Variants in RAD52 observed in about 807,000 individuals in gnomAD.
RAD52 encodes the protein RAD52 DNA repair protein, also known as DNA repair protein RAD52 homolog.
Under a neutral mutation model 55.5 loss-of-function variants are expected in RAD52, and 47 were observed. The ratio of observed to expected loss-of-function variants is 0.85; its 90% CI spans 0.67 to 1.08. RAD52 has a LOEUF of 1.08. Ranked by LOEUF, RAD52 falls within the 50% of genes least tolerant of loss-of-function variation. The pLI, the probability that RAD52 is intolerant of heterozygous loss-of-function variation, is 0.00. For missense variants in RAD52, 468 were observed against 522.8 expected (o/e 0.90, Z 1.02); for synonymous variants, 184 against 198.9 (o/e 0.92, Z 0.63).
At chr12:958,930 C>A (rs559031368) in intron 1 of RAD52, among the ~76,000 whole-genome samples, 1 of 152,286 alleles carries the variant, frequency 6.6e-6, no homozygotes, top group African/African-American at 2.4e-5. Flanking sequence ...TCTTTGAATT[C>A]CCCTGCGATC....
chr12:930,520 A>G (rs1957272469), intron 3 of RAD52, among the ~76,000 whole-genome samples: 1 of 152,188 alleles, frequency 6.6e-6, no homozygotes, highest in South Asian at 2.1e-4. Context: ...AAAAGTACAA[A>G]TCTGTTTGAC....
chr12:983,471 C>T (rs1340885276), intron 1 of RAD52, among the ~76,000 whole-genome samples: 2 of 142,588 alleles, frequency 1.4e-5, no homozygotes, highest in Non-Finnish European at 3.0e-5. Flanking sequence ...GACTGGAGAG[C>T]AATGGCGTGA....
At chr12:925,855 C>G (rs761604366) in intron 6 of RAD52, among the ~76,000 whole-genome samples, 137 of 152,044 alleles carry the variant, frequency 9.0e-4, no homozygotes, top group Non-Finnish European at 1.7e-3. Flanking sequence ...TTTTTCCCCC[C>G]AAAGGCTGCT....
intron 1 of RAD52, among the ~76,000 whole-genome samples, chr12:963,077 G>A (rs1958709880): frequency 6.6e-6 from 1 of 152,122 alleles, no homozygotes; most frequent in South Asian, 2.1e-4. Context: ...GATTTAAGGA[G>A]TGTAAATGAA....
chr12:925,395 G>C, intron 7 of RAD52, 55 bp downstream of exon 7: 2 of 1,433,680 alleles, frequency 1.4e-6, no homozygotes, highest in Non-Finnish European at 2.0e-6. Flanking sequence ...CTCAACCCAT[G>C]ACACACAAGA....
In RAD52 at chr12:927,187, G is replaced by C. The variant is rs2154113097; in HGVS notation, c.425C>G (p.Ala142Gly). 6.2e-7 allele frequency: 1 copy of C among 1,614,086 alleles called. No individual in the cohort carries two copies. The highest frequency in any genetic ancestry group is 8.5e-7 in the Non-Finnish European group (1 of 1,180,014). The change falls in exon 6 of 12, where the codon GCA becomes GGA. Residue 142 changes from alanine to glycine, a missense_variant. Coordinates refer to ENST00000358495, the MANE Select transcript of RAD52 (RefSeq NM_134424.4). Reference protein sequence around the residue: ...LKSKALSLEKARKEAVTDGLK... With the variant: ...LKSKALSLEKGRKEAVTDGLK... Reference sequence around the variant, plus strand: ...CCCGTCTGTCACCGCCTCCTTCCTTGCCTTCTCCAAAGATAAAGCCTTGGA... The same window carrying C: ...CCCGTCTGTCACCGCCTCCTTCCTTCCCTTCTCCAAAGATAAAGCCTTGGA...
chr12:950,458 C>G (rs1263609509), upstream of RAD52, among the ~76,000 whole-genome samples: 1 of 151,758 alleles, frequency 6.6e-6, no homozygotes, highest in Admixed American at 6.6e-5. Flanking sequence ...GTAGTCCCAG[C>G]TACTCGGGAG....
Position 932,985 on chromosome 12 carries a change from C to A in RAD52, c.74G>T (p.Cys25Phe), listed in dbSNP as rs1222591370. The A allele has an allele frequency of 6.2e-7, 1 of 1,613,798 alleles. No individual in the cohort carries two copies. Among genetic ancestry groups the A allele is most frequent in the African/African-American group, 1.3e-5 (1 of 74,926 alleles). The change falls in exon 2 of 12, where the codon TGC becomes TTC. Residue 25 changes from cysteine (C) to phenylalanine (F), a missense_variant. Physicochemically the swap from Cys to Phe is radical, Grantham distance 205. Transcript: ENST00000358495. The stretch of plus-strand genomic sequence containing the variant: ...AGGAACCACAGTTACCTGTCCAAAG[C>A]ATAACACTGAGCCGCCGCCAGCAGC... ...HPAAGGGSVL[C>F]FGQCQYTAEE...
At chr12:951,782 T>C (rs1274553220), upstream of RAD52, among the ~76,000 whole-genome samples, 5 of 152,180 alleles carry the variant, frequency 3.3e-5, no homozygotes, top group South Asian at 2.1e-4. Flanking sequence ...TTGTTTCTTA[T>C]GATTTTAACC....
In RAD52 at chr12:925,515, T is replaced by A; in HGVS notation, c.478A>T (p.Asn160Tyr). The A allele has an allele frequency of 6.2e-7, 1 of 1,613,142 alleles. No individual in the cohort carries two copies. Among genetic ancestry groups the A allele is most frequent in the Non-Finnish European group, 8.5e-7 (1 of 1,179,180 alleles). Residue 160 changes from asparagine to tyrosine, a missense_variant, in exon 7 of 12, where the codon AAT becomes TAT. Transcript: ENST00000358495. ...TCCAGAATACAGTTTCCAAGTGCATTCCCAAAACTCCTAAGGGCAAGAGAA... is the reference window on the plus strand; with the variant it reads ...TCCAGAATACAGTTTCCAAGTGCATACCCAAAACTCCTAAGGGCAAGAGAA... ...GLKRALRSFG[N>Y]ALGNCILDKD...
chr12:919,141 T>C (rs77033343), intron 7 of RAD52, among the ~76,000 whole-genome samples: 186 of 152,282 alleles, frequency 1.2e-3, no homozygotes, highest in African/African-American at 4.3e-3. Flanking sequence ...ATTCTCTATC[T>C]GGGAGGTGAA....
At chr12:916,948 C>G (rs745456047) in intron 7 of RAD52, 128 bp from the exon 8 acceptor site, 10 of 1,285,198 alleles carry the variant, frequency 7.8e-6, no homozygotes, top group Non-Finnish European at 1.1e-5. Context: ...CCTTCTAGGT[C>G]CTGTAACTCC....
upstream of RAD52, among the ~76,000 whole-genome samples, chr12:950,241 TGGA>T (rs2154119845): frequency 6.6e-6 from 1 of 152,128 alleles, no homozygotes; most frequent in East Asian, 1.9e-4. Context: ...CGCAGGGAAA[TGGA>T]GAAGTGCGGC....
At chr12:982,719 G>GC (rs1439739800) in intron 1 of RAD52, among the ~76,000 whole-genome samples, 1 of 146,246 alleles carries the variant, frequency 6.8e-6, no homozygotes, top group Non-Finnish European at 1.5e-5. Flanking sequence ...AGGCTGGAGC[G>GC]CAGTGGTGGG....
intron 7 of RAD52, among the ~76,000 whole-genome samples, chr12:922,749 C>T (rs766016280): frequency 4.6e-5 from 7 of 152,120 alleles, no homozygotes; most frequent in Admixed American, 2.0e-4. Flanking sequence ...GTGGGAGGAT[C>T]GCTTGTAGCC....
intron 7 of RAD52, 63 bp downstream of exon 7, chr12:925,387 C>T (rs1257924773): frequency 2.2e-6 from 3 of 1,380,478 alleles, no homozygotes; most frequent in Non-Finnish European, 1.0e-6. Context: ...TCCAAATACT[C>T]AACCCATGAC....
intron 1 of RAD52, among the ~76,000 whole-genome samples, chr12:946,320 C>T (rs1383653833): frequency 6.6e-6 from 1 of 152,188 alleles, no homozygotes; most frequent in Non-Finnish European, 1.5e-5. Flanking sequence ...CCTTGAAGCA[C>T]TACTGAGACA....
intron 5 of RAD52, among the ~76,000 whole-genome samples, chr12:929,175 A>C (rs1454257113): frequency 6.6e-6 from 1 of 152,146 alleles, no homozygotes; most frequent in East Asian, 1.9e-4. Flanking sequence ...CAAACTTTCA[A>C]CCATAAATAT....
At chr12:949,806 GA>G, upstream of RAD52, 1 of 152,264 alleles carries the variant, frequency 6.6e-6, no homozygotes, top group Non-Finnish European at 1.5e-5. Flanking sequence ...AGTCGGAGGG[GA>G]AAAGAGCCGC....
Sources: gnomAD v4.1 joint callset for allele counts (sites outside exome capture counted in the v4.1 genomes callset) on GRCh38, gnomAD v4.1.1 for gene constraint, MANE v1.5 for transcripts, NCBI Gene and HGNC (gene_info 2026-07-23, HGNC 2026-07-21) for gene names.